Variants in IL15RA observed in about 807,000 individuals in gnomAD.
The protein encoded by IL15RA is interleukin-15 receptor subunit alpha.
In IL15RA, 26 loss-of-function variants were observed where a neutral mutation model predicts 24.2. That is an observed-to-expected ratio of 1.07 (90% CI 0.79 to 1.49). IL15RA has a LOEUF of 1.49. Ranked by LOEUF, IL15RA falls within the 40% of genes most tolerant of loss-of-function variation. IL15RA has a pLI of 0.00. For missense variants in IL15RA, 354 were observed against 356.4 expected, an observed-to-expected ratio of 0.99 and a Z score of 0.05; for synonymous variants, 166 against 157.6, an observed-to-expected ratio of 1.05 and a Z score of -0.40.
In IL15RA at chr10:5,966,275, C is replaced by T. The variant is rs1351508390; in HGVS notation, c.153G>A (p.Leu51=). Residue 51 remains leucine (L), a synonymous_variant, in exon 2 of 7, where the codon TTG becomes TTA. Coordinates refer to ENST00000379977, the MANE Select transcript of IL15RA (RefSeq NM_002189.4). This position sits in a 1 kb window ranked among gnomAD's most constrained non-coding sequence, Gnocchi z 6.4. The part of the protein sequence containing the change: ...HADIWVKSYS[L]YSRERYICNS... Reference sequence around the variant, plus strand: ...TACAAATGTACCGCTCCCTGGAGTACAAGCTGTAGCTCTTGACCCAGATGT... The same window carrying T: ...TACAAATGTACCGCTCCCTGGAGTATAAGCTGTAGCTCTTGACCCAGATGT... 2 of 1,614,006 alleles carry T rather than the reference C, an allele frequency of 1.2e-6. No individual in the cohort carries two copies. Among genetic ancestry groups the T allele is most frequent in the Non-Finnish European group, 1.7e-6 (2 of 1,179,960 alleles).
Position 5,972,097 on chromosome 10 carries a change from A to G in IL15RA, c.88+5308T>C, listed in dbSNP as rs561232503. Among the ~76,000 whole-genome samples the G allele has an allele frequency of 6.6e-5, 10 of 152,270 alleles. No homozygotes were observed. The South Asian group carries it at 1.7e-3, about 25-fold the overall frequency. On this transcript the variant is annotated intron_variant, in intron 1 of 6. Coordinates refer to ENST00000379977, the MANE Select transcript of IL15RA (RefSeq NM_002189.4). Reference sequence around the variant, plus strand: ...CACCAGAACGATTTCAAAAACCTCAATGCAGCTCCTATTCTCTGGAGTCTC... The same window carrying G: ...CACCAGAACGATTTCAAAAACCTCAGTGCAGCTCCTATTCTCTGGAGTCTC...
At chr10:5,976,344 T>G (rs1838450863) in intron 1 of IL15RA, among the ~76,000 whole-genome samples, 1 of 152,222 alleles carries the variant, frequency 6.6e-6, no homozygotes, top group Admixed American at 6.5e-5. Flanking sequence ...GGAATGGCTT[T>G]GGCCAGGGCC....
rs1564526877 is a variant in IL15RA, at chr10:5,977,423, G to A, written c.70C>T (p.Arg24Trp). Residue 24 changes from arginine (R) to tryptophan (W), a missense_variant, in exon 1 of 7, where the codon CGG becomes TGG. Arg to Trp is a moderately radical substitution (Grantham distance 101). Coordinates refer to ENST00000379977, the MANE Select transcript of IL15RA (RefSeq NM_002189.4). ...TCCCTACCCCGCGTCGCCGGCGGCC[G>A]GAGCAGCAGCAGCAGTAGCAGCGCC... Reference protein sequence around the residue: ...LPALLLLLLLRPPATRGITCP... With the variant: ...LPALLLLLLLWPPATRGITCP... 1 of 1,347,274 alleles carries A rather than the reference G, an allele frequency of 7.4e-7. No individual in the cohort carries two copies. Among genetic ancestry groups the A allele is most frequent in the Non-Finnish European group, 9.5e-7 (1 of 1,052,422 alleles). 83.5% of individuals were successfully genotyped at this position (1,347,274 alleles called of 1,614,324 possible).
rs1443783749 is a variant in IL15RA, at chr10:5,965,788, G to A, written c.283+357C>T. 1.3e-5 allele frequency among the ~76,000 whole-genome samples: 2 copies of A among 151,978 alleles called. No homozygotes were observed. The highest frequency in any genetic ancestry group is 1.9e-4 in the East Asian group (1 of 5,182). ...CAGGCTGGAGTGCAGTGGTGTGATC[G>A]CGGCTCACTGTGACCTCTACCTCCC... On this transcript the variant is annotated intron_variant, in intron 2 of 6. Coordinates refer to ENST00000379977, the MANE Select transcript of IL15RA (RefSeq NM_002189.4). The surrounding 1 kb of genome is among the most constrained non-coding windows in gnomAD (Gnocchi z 5.8).
chr10:5,954,186 T>TTC (rs55698478), intron 6 of IL15RA, among the ~76,000 whole-genome samples: 66,805 of 137,626 alleles, frequency 0.49, 16,795 homozygotes, highest in African/African-American at 0.57. Flanking sequence ...TTTTTTTTTT[T>TTC]TCTGAGACAG....
intron 5 of IL15RA, among the ~76,000 whole-genome samples, chr10:5,957,695 G>A (rs1261793477): frequency 1.3e-5 from 2 of 148,856 alleles, no homozygotes; most frequent in Non-Finnish European, 1.5e-5. Flanking sequence ...AGGTTCAAAC[G>A]ATTCTCCTAC....
At position 5,960,571 on chromosome 10, in the gene IL15RA, T is replaced by C. The variant is rs778543580; in HGVS notation, c.383-4A>G. On this transcript the variant is annotated splice_region_variant and splice_polypyrimidine_tract_variant and intron_variant, in intron 3 of 6. Transcript: ENST00000379977. This position sits in a 1 kb window ranked among gnomAD's most constrained non-coding sequence, Gnocchi z 5.1. ...CTGGGAGATGAAGCTGCGGGCTCTG[T>C]AGGAGAGTCCAAGGCAGGGACAACA... is the stretch of plus-strand genomic sequence containing the variant. 2.5e-6 allele frequency: 4 copies of C among 1,613,506 alleles called. No individual in the cohort carries two copies. The East Asian group carries it at 8.9e-5, about 36-fold the overall frequency.
chr10:5,965,518 G>T lies in IL15RA; in HGVS notation c.283+627C>A, dbSNP rs571405231. On this transcript the variant is annotated intron_variant, in intron 2 of 6. Transcript: ENST00000379977. This position sits in a 1 kb window ranked among gnomAD's most constrained non-coding sequence, Gnocchi z 5.8. The stretch of plus-strand genomic sequence containing the variant: ...AGAGTTAATATTTACCAGGGTTCAC[G>T]CCACCCTCCCACAGCCCGCAGTGTG... 2.0e-5 allele frequency among the ~76,000 whole-genome samples: 3 copies of T among 152,316 alleles called. No individual in the cohort carries two copies. The South Asian group carries it at 6.2e-4, about 32-fold the overall frequency.
In IL15RA at chr10:5,959,744, A is replaced by G; in HGVS notation, c.616+10T>C. 1 of 1,613,264 alleles carries G rather than the reference A, an allele frequency of 6.2e-7. No homozygotes were observed. The highest frequency in any genetic ancestry group is 8.5e-7 in the Non-Finnish European group (1 of 1,179,444). On this transcript the variant is annotated intron_variant, in intron 5 of 6. Coordinates refer to ENST00000379977, the MANE Select transcript of IL15RA (RefSeq NM_002189.4). The surrounding 1 kb of genome is among the most constrained non-coding windows in gnomAD (Gnocchi z 4.1). ...GATCATAAACATACCGGACAAAGGG[A>G]CACACTTACCAGTGGTGTCGCTGTG...
chr10:5,949,770 AGTGG>A (rs777283231), downstream of IL15RA, among the ~76,000 whole-genome samples: 36 of 152,158 alleles, frequency 2.4e-4, no homozygotes, highest in Non-Finnish European at 4.3e-4. The surrounding 1 kb of genome is among the most constrained non-coding windows in gnomAD (Gnocchi z 4.4). Flanking sequence ...AAAGAACGTA[AGTGG>A]TTTTAAAAAA....
In IL15RA at chr10:5,977,495, C is replaced by G. The variant is rs1232104692; in HGVS notation, c.-3G>C. ...CCGCGCGCCCGCCGCGGGGCCATGG[C>G]GGCAGCTCCACAGGACACCGCTGGA... On this transcript the variant is annotated 5_prime_UTR_variant, in exon 1 of 7. Coordinates refer to ENST00000379977, the MANE Select transcript of IL15RA (RefSeq NM_002189.4). 9.4e-5 allele frequency: 127 copies of G among 1,351,006 alleles called. No individual in the cohort carries two copies. Among genetic ancestry groups the G allele is most frequent in the Non-Finnish European group, 1.2e-4 (124 of 1,053,104 alleles). 83.7% of individuals were successfully genotyped at this position (1,351,006 alleles called of 1,614,324 possible).
chr10:5,969,101 G>A (rs1422274381), intron 1 of IL15RA, among the ~76,000 whole-genome samples: 3 of 152,054 alleles, frequency 2.0e-5, no homozygotes, highest in African/African-American at 4.8e-5. Context: ...CACCAATACC[G>A]TGCTGCCTTG....
rs892743648 is a variant in IL15RA at position 5,965,683 on chromosome 10, G to T, written c.283+462C>A. 6.6e-6 allele frequency among the ~76,000 whole-genome samples: 1 copy of T among 152,190 alleles called. No individual in the cohort carries two copies. Among genetic ancestry groups the T allele is most frequent in the African/African-American group, 2.4e-5 (1 of 41,448 alleles). ...ACCCCAGCACCTGTGTGTTTCCAACGCCAGGAGCTGTTGCTGAGGATCACA... is the reference window on the plus strand; with the variant it reads ...ACCCCAGCACCTGTGTGTTTCCAACTCCAGGAGCTGTTGCTGAGGATCACA... On this transcript the variant is annotated intron_variant, in intron 2 of 6. Coordinates refer to ENST00000379977, the MANE Select transcript of IL15RA (RefSeq NM_002189.4). This position sits in a 1 kb window ranked among gnomAD's most constrained non-coding sequence, Gnocchi z 5.8.
downstream of IL15RA, chr10:5,950,686 T>TC (rs1203833434): frequency 9.2e-5 from 14 of 152,338 alleles, no homozygotes; most frequent in African/African-American, 3.4e-4. The surrounding 1 kb of genome is among the most constrained non-coding windows in gnomAD (Gnocchi z 5.6). Flanking sequence ...TGCGTGCCAG[T>TC]GTCTGGACCA....
chr10:5,953,726 G>A lies in IL15RA; in HGVS notation c.693-520C>T, dbSNP rs1255099797. On this transcript the variant is annotated intron_variant, in intron 6 of 6. Coordinates refer to ENST00000379977, the MANE Select transcript of IL15RA (RefSeq NM_002189.4). The surrounding 1 kb of genome is among the most constrained non-coding windows in gnomAD (Gnocchi z 5.3). Reference sequence around the variant, plus strand: ...CAGAGTTGATCATCTTGAAAAAAGTGATTTAATATTCATGAAGCTTTTAAA... The same window carrying A: ...CAGAGTTGATCATCTTGAAAAAAGTAATTTAATATTCATGAAGCTTTTAAA... 1.3e-5 allele frequency: 3 copies of A among 236,710 alleles called. No homozygotes were observed. Among genetic ancestry groups the A allele is most frequent in the Non-Finnish European group, 2.5e-5 (3 of 121,144 alleles). 14.7% of individuals were successfully genotyped at this position (236,710 alleles called of 1,614,324 possible).
rs371532151 is a variant in IL15RA, at chr10:5,969,560, A to G, written c.89-3221T>C. On this transcript the variant is annotated intron_variant, in intron 1 of 6. Coordinates refer to ENST00000379977, the MANE Select transcript of IL15RA (RefSeq NM_002189.4). Reference sequence around the variant, plus strand: ...GCTAGTTATTATTTTTTTAATTTGTAGAGATGAGGTCTTGCTATGTTGCTC... The same window carrying G: ...GCTAGTTATTATTTTTTTAATTTGTGGAGATGAGGTCTTGCTATGTTGCTC... 3.9e-5 allele frequency among the ~76,000 whole-genome samples: 6 copies of G among 152,168 alleles called. No individual in the cohort carries two copies. The East Asian group carries it at 1.2e-3, about 29-fold the overall frequency.
At position 5,968,668 on chromosome 10, in the gene IL15RA, C is replaced by T. The variant is rs1837029195; in HGVS notation, c.89-2329G>A. ...GTGTCAGAGGCTTTTTCTCCATGTTCTGCTCCACACTGATCTTCTGTCCTT... is the reference window on the plus strand; with the variant it reads ...GTGTCAGAGGCTTTTTCTCCATGTTTTGCTCCACACTGATCTTCTGTCCTT... On this transcript the variant is annotated intron_variant, in intron 1 of 6. Coordinates refer to ENST00000379977, the MANE Select transcript of IL15RA (RefSeq NM_002189.4). The surrounding 1 kb of genome is among the most constrained non-coding windows in gnomAD (Gnocchi z 5.4). 5 of 655,232 alleles carry T rather than the reference C, an allele frequency of 7.6e-6. No homozygotes were observed. In the African/African-American group the frequency reaches 8.9e-5, roughly 12 times the overall value. The allele number at this position is 655,232 out of a possible 1,614,324, so 40.6% of individuals were successfully genotyped here. A position where few individuals can be genotyped will look rare whatever the true frequency, so the allele number is the denominator to read the frequency against.
At chr10:5,956,110 G>A (rs914808828) in intron 6 of IL15RA, among the ~76,000 whole-genome samples, 1 of 152,098 alleles carries the variant, frequency 6.6e-6, no homozygotes, top group Non-Finnish European at 1.5e-5. Flanking sequence ...CGCCTCCCGG[G>A]TTCAAGCGAT....
At position 5,975,694 on chromosome 10, in the gene IL15RA, G is replaced by A. The variant is rs2132737106; in HGVS notation, c.88+1711C>T. Among the ~76,000 whole-genome samples, 1 of 152,216 alleles carries A rather than the reference G, an allele frequency of 6.6e-6. No individual in the cohort carries two copies. The highest frequency in any genetic ancestry group is 2.4e-5 in the African/African-American group (1 of 41,550). ...AAGGTCAGGAGTGATCACCATGTTG[G>A]ATCAGCCTGACCAACATGATGAAAC... On this transcript the variant is annotated intron_variant, in intron 1 of 6. Transcript: ENST00000379977. This position sits in a 1 kb window ranked among gnomAD's most constrained non-coding sequence, Gnocchi z 4.8.
Sources: allele counts gnomAD v4.1 joint callset (sites outside exome capture counted in the v4.1 genomes callset), GRCh38; gene constraint gnomAD v4.1.1; non-coding constraint Gnocchi (gnomAD v3.1); transcripts MANE v1.5; gene names NCBI Gene and HGNC (gene_info 2026-07-23, HGNC 2026-07-21).